The following ATP2C2 variants were observed in gnomAD, a reference collection of about 807,000 sequenced individuals.
ATP2C2 encodes the protein calcium-transporting ATPase type 2C member 2.
In ATP2C2, 171 loss-of-function variants were observed where a neutral mutation model predicts 110.8. The observed-to-expected ratio is 1.54, with a 90% CI of 1.36 to 1.75. ATP2C2 has a LOEUF of 1.75. Among genes scored for constraint, ATP2C2 ranks in the 40% most tolerant of loss-of-function variants. ATP2C2 has a pLI of 0.00. For synonymous variants in ATP2C2, 804 were observed against 508.4 expected (o/e 1.58, Z -7.82); for missense variants, 1,963 against 1,235.0 (o/e 1.59, Z -8.84).
In ATP2C2 at chr16:84,425,844, A is replaced by T. The variant is rs117115789; in HGVS notation, c.986+43A>T. 250 of 1,599,860 alleles carry T rather than the reference A, an allele frequency of 1.6e-4. No homozygotes were observed. In the African/African-American group the frequency reaches 2.6e-3, roughly 16 times the overall value. The stretch of plus-strand genomic sequence containing the variant: ...GCCCCTTGCCTTGCCAGGGTGGTCA[A>T]TGGGCTCTGAGCCCTTCCCTGCCGC... On this transcript the variant is annotated intron_variant, in intron 11 of 26. Transcript: ENST00000262429.
intron 1 of ATP2C2, among the ~76,000 whole-genome samples, chr16:84,371,786 G>C (rs920177253): frequency 6.6e-6 from 1 of 152,200 alleles, no homozygotes; most frequent in Non-Finnish European, 1.5e-5. Context: ...CCCAACAGAC[G>C]AATGTAGTGA....
intron 3 of ATP2C2, 88 bp from the exon 4 acceptor site, chr16:84,408,317 C>A: frequency 7.8e-7 from 1 of 1,281,552 alleles, no homozygotes; most frequent in Non-Finnish European, 1.1e-6. Context: ...GAACTGAGAC[C>A]CCTGTCACAC....
intron 11 of ATP2C2, 102 bp downstream of exon 11, chr16:84,425,903 G>A (rs1033219816): frequency 6.9e-7 from 1 of 1,439,818 alleles, no homozygotes; most frequent in African/African-American, 1.4e-5. Flanking sequence ...AATAGGAAGG[G>A]TTGGGAAGGT....
chr16:84,404,980 C>G (rs755961623), intron 2 of ATP2C2, 148 bp from the exon 3 acceptor site: 2 of 765,142 alleles, frequency 2.6e-6, no homozygotes, highest in Non-Finnish European at 4.7e-6. Context: ...TGCACGGGGT[C>G]TTTGAACAAG....
At chr16:84,379,278 G>A (rs1008940792) in intron 1 of ATP2C2, among the ~76,000 whole-genome samples, 1 of 151,980 alleles carries the variant, frequency 6.6e-6, no homozygotes, top group Non-Finnish European at 1.5e-5. Flanking sequence ...ATCTTTCTGG[G>A]CTGAAGTGAT....
rs773085423 is a variant in ATP2C2, at chr16:84,415,563, G to A, written c.596G>A (p.Arg199Gln). The change falls in exon 7 of 27, where the codon CGG (arginine) becomes CAG (glutamine). Residue 199 changes from arginine to glutamine, a missense_variant. Coordinates refer to ENST00000262429, the MANE Select transcript of ATP2C2 (RefSeq NM_014861.4). ...GDVVSLSIGD[R>Q]IPADIRLTEV... The stretch of plus-strand genomic sequence containing the variant: ...GTCGTATCTCTCTCGATCGGAGACC[G>A]GATCCCTGCAGACATCCGACTCACT... 12 of 1,613,972 alleles carry A rather than the reference G, an allele frequency of 7.4e-6. No homozygotes were observed. The highest frequency in any genetic ancestry group is 4.4e-5 in the South Asian group (4 of 91,038).
rs770471969 is a variant in ATP2C2, at chr16:84,415,567, C to T, written c.600C>T (p.Ile200=). 2.6e-5 allele frequency: 42 copies of T among 1,613,840 alleles called. No homozygotes were observed. The highest frequency in any genetic ancestry group is 3.6e-5 in the Non-Finnish European group (42 of 1,179,932). The change falls in exon 7 of 27, where the codon ATC becomes ATT. Residue 200 remains isoleucine, a synonymous_variant. Coordinates refer to ENST00000262429, the MANE Select transcript of ATP2C2 (RefSeq NM_014861.4). ...TATCTCTCTCGATCGGAGACCGGAT[C>T]CCTGCAGACATCCGACTCACTGAGG... The part of the protein sequence containing the change: ...DVVSLSIGDR[I]PADIRLTEVT...
At chr16:84,411,581 A>G (rs1275555507) in intron 6 of ATP2C2, among the ~76,000 whole-genome samples, 1 of 152,118 alleles carries the variant, frequency 6.6e-6, no homozygotes, top group Non-Finnish European at 1.5e-5. Context: ...AGCTGGGACT[A>G]CAGGCATGCA....
intron 2 of ATP2C2, among the ~76,000 whole-genome samples, chr16:84,399,478 C>G (rs1245243429): frequency 6.6e-6 from 1 of 152,308 alleles, no homozygotes; most frequent in East Asian, 1.9e-4. Flanking sequence ...TTTTTAAAAA[C>G]AAGGACACTT....
chr16:84,463,971 ACTGTTTATTAAATCACAATGAT>A lies in ATP2C2; in HGVS notation c.*240_*261del, dbSNP rs1911665557. 1 of 458,472 alleles carries A rather than the reference ACTGTTTATTAAATCACAATGAT, an allele frequency of 2.2e-6. No individual in the cohort carries two copies. Among genetic ancestry groups the A allele is most frequent in the Admixed American group, 3.6e-5 (1 of 27,592 alleles). The allele number at this position is 458,472 out of a possible 1,614,324, so 28.4% of individuals were successfully genotyped here. On this transcript the variant is annotated 3_prime_UTR_variant, in exon 27 of 27. Coordinates refer to ENST00000262429, the MANE Select transcript of ATP2C2 (RefSeq NM_014861.4). ...GGAGGGGCCTGTACAGAAACACCAC[ACTGTTTATTAAATCACAATGAT>A]TTTTATTAACCATGTCTAACTACGT...
rs374714353 is a variant in ATP2C2 at position 84,439,233 on chromosome 16, C to A, written c.1054C>A (p.Leu352Met). ...CATGGTGACGCTGGTCCTGGGAGTG[C>A]TGCGGATGGCCAAGAAGCGGGTCAT... ...VVMVTLVLGV[L>M]RMAKKRVIVK... Residue 352 changes from leucine to methionine, a missense_variant, in exon 12 of 27, where the codon CTG (leucine) becomes ATG (methionine). Transcript: ENST00000262429. 1.2e-6 allele frequency: 2 copies of A among 1,612,316 alleles called. No homozygotes were observed. Among genetic ancestry groups the A allele is most frequent in the Non-Finnish European group, 8.5e-7 (1 of 1,180,032 alleles).
intron 6 of ATP2C2, among the ~76,000 whole-genome samples, chr16:84,412,276 ACGTGTGTG>A (rs1906387028): frequency 2.7e-5 from 3 of 111,174 alleles, no homozygotes; most frequent in East Asian, 6.8e-4. Context: ...GTATGTGTGT[ACGTGTGTG>A]CACGTATGTG....
chr16:84,443,743 C>A (rs888280845), intron 15 of ATP2C2, among the ~76,000 whole-genome samples: 1 of 152,204 alleles, frequency 6.6e-6, no homozygotes, highest in African/African-American at 2.4e-5. Context: ...TTACCTGTCC[C>A]TCCCTCCAGT....
intron 13 of ATP2C2, among the ~76,000 whole-genome samples, chr16:84,440,624 G>C (rs28611248): frequency 0.017 from 2,605 of 152,324 alleles, 79 homozygotes; most frequent in African/African-American, 0.06. Flanking sequence ...TGTACTGGCT[G>C]CAGAGTATCC....
At chr16:84,431,177 A>T (rs1908245670) in intron 11 of ATP2C2, among the ~76,000 whole-genome samples, 1 of 152,206 alleles carries the variant, frequency 6.6e-6, no homozygotes, top group African/African-American at 2.4e-5. Context: ...GCTACAAAGG[A>T]ATAACTGCCG....
rs181772292 is a variant in ATP2C2 at position 84,402,120 on chromosome 16, A to T, written c.211-3008A>T. The stretch of plus-strand genomic sequence containing the variant: ...ATTACTTAATTGATTTCTTTTGCAG[A>T]TTGCTTTCTCTTAGCATATAGCAAT... On this transcript the variant is annotated intron_variant, in intron 2 of 26. Coordinates refer to ENST00000262429, the MANE Select transcript of ATP2C2 (RefSeq NM_014861.4). Among the ~76,000 whole-genome samples the T allele has an allele frequency of 3.3e-5, 5 of 151,688 alleles. No homozygotes were observed. In the East Asian group the frequency reaches 9.7e-4, roughly 29 times the overall value.
intron 1 of ATP2C2, among the ~76,000 whole-genome samples, chr16:84,385,018 C>T (rs1470827697): frequency 6.6e-6 from 1 of 152,168 alleles, no homozygotes; most frequent in Non-Finnish European, 1.5e-5. Context: ...CACTGCACTC[C>T]AGCCTAGGTG....
chr16:84,372,364 C>T (rs186440303), intron 1 of ATP2C2, among the ~76,000 whole-genome samples: 1 of 152,212 alleles, frequency 6.6e-6, no homozygotes, highest in East Asian at 1.9e-4. Context: ...TGCCCAAACT[C>T]ACAGATCATT....
At chr16:84,372,628 G>A (rs551328083) in intron 1 of ATP2C2, among the ~76,000 whole-genome samples, 1 of 151,742 alleles carries the variant, frequency 6.6e-6, no homozygotes, top group East Asian at 2.0e-4. Flanking sequence ...GTTTCACCAT[G>A]TTGGCCAGGC....
Sources: gnomAD v4.1 joint callset for allele counts (sites outside exome capture counted in the v4.1 genomes callset) on GRCh38, gnomAD v4.1.1 for gene constraint, MANE v1.5 for transcripts, NCBI Gene and HGNC (gene_info 2026-07-23, HGNC 2026-07-21) for gene names.